Variants in PRDM16 observed in about 807,000 individuals in gnomAD.
PRDM16 encodes PR/SET domain 16, also known as histone-lysine N-methyltransferase PRDM16.
PRDM16 carries 23 observed loss-of-function variants against 110.6 expected under a neutral mutation model. The ratio of observed to expected loss-of-function variants is 0.21; its 90% CI spans 0.15 to 0.29. PRDM16 has a LOEUF of 0.29. Among genes scored for constraint, PRDM16 ranks in the 10% least tolerant of loss-of-function variants. The pLI, the probability that PRDM16 is intolerant of heterozygous loss-of-function variation, is 1.00. For synonymous variants in PRDM16, 799 were observed against 781.8 expected, an observed-to-expected ratio of 1.02 and a Z score of -0.37; for missense variants, 1,615 against 1,794.3, an observed-to-expected ratio of 0.90 and a Z score of 1.81.
rs773757408 is a variant in PRDM16, at chr1:3,435,310, A to T, written c.*1499A>T. 4 of 227,098 alleles carry T rather than the reference A, an allele frequency of 1.8e-5. No homozygotes were observed. Among genetic ancestry groups the T allele is most frequent in the Admixed American group, 1.1e-4 (2 of 17,590 alleles). The allele number at this position is 227,098 out of a possible 1,614,324, so 14.1% of individuals were successfully genotyped here. On this transcript the variant is annotated 3_prime_UTR_variant, in exon 17 of 17. Transcript: ENST00000270722. Reference sequence around the variant, plus strand: ...TTGGCATTAGACATTCTTATTGTGAAGAAATAATGTTAATATAAGTATCTG... The same window carrying T: ...TTGGCATTAGACATTCTTATTGTGATGAAATAATGTTAATATAAGTATCTG...
At chr1:3,328,691 C>T (rs1350022448) in intron 3 of PRDM16, among the ~76,000 whole-genome samples, 12 of 152,148 alleles carry the variant, frequency 7.9e-5, no homozygotes, top group Admixed American at 7.2e-4. Flanking sequence ...GAAGGAGACC[C>T]CCCAGGGCTC....
At position 3,390,836 on chromosome 1, in the gene PRDM16, T is replaced by G. The variant is rs1407334586; in HGVS notation, c.573+5550T>G. Among the ~76,000 whole-genome samples the G allele has an allele frequency of 9.2e-5, 7 of 75,734 alleles. No individual in the cohort carries two copies. Among genetic ancestry groups the G allele is most frequent in the East Asian group, 1.2e-3 (1 of 810 alleles). 49.7% of individuals were successfully genotyped at this position (75,734 alleles called of 152,430 possible). On this transcript the variant is annotated intron_variant, in intron 4 of 16. Transcript: ENST00000270722. The surrounding 1 kb of genome is among the most constrained non-coding windows in gnomAD (Gnocchi z 5.0). ...TTTGCTTTTATCTCTCACAGTGTGT[T>G]TTTTTTTTTTTTTTTTTAGACAGAG...
intron 10 of PRDM16, among the ~76,000 whole-genome samples, chr1:3,416,425 G>A (rs1002207048): frequency 6.6e-6 from 1 of 152,188 alleles, no homozygotes; most frequent in African/African-American, 2.4e-5. Flanking sequence ...CCTCTGTGGA[G>A]CTGGCTCTGA....
At chr1:3,137,839 C>A (rs1223420048) in intron 1 of PRDM16, among the ~76,000 whole-genome samples, 1 of 152,236 alleles carries the variant, frequency 6.6e-6, no homozygotes, top group African/African-American at 2.4e-5. Context: ...TCCGGAGGTC[C>A]CTGACCTCAC....
At chr1:3,287,106 C>A (rs1640862131) in intron 3 of PRDM16, among the ~76,000 whole-genome samples, 2 of 152,202 alleles carry the variant, frequency 1.3e-5, no homozygotes, top group Admixed American at 1.3e-4. Flanking sequence ...CTGGGGTCAG[C>A]AGGAGGCCTG....
At chr1:3,156,531 T>G (rs929907464) in intron 1 of PRDM16, among the ~76,000 whole-genome samples, 2 of 152,224 alleles carry the variant, frequency 1.3e-5, no homozygotes, top group Non-Finnish European at 2.9e-5. Context: ...GGAGGGGTTT[T>G]GTTTGCTGTC....
chr1:3,179,907 G>C (rs1644130954), intron 1 of PRDM16, among the ~76,000 whole-genome samples: 1 of 152,082 alleles, frequency 6.6e-6, no homozygotes, highest in Non-Finnish European at 1.5e-5. Flanking sequence ...TCCTATCACG[G>C]TGGACCTTCC....
chr1:3,140,811 C>A (rs1643535214), intron 1 of PRDM16, among the ~76,000 whole-genome samples: 1 of 152,244 alleles, frequency 6.6e-6, no homozygotes, highest in South Asian at 2.1e-4. Flanking sequence ...CCGCATCCTG[C>A]GTTCCATGGT....
intron 3 of PRDM16, among the ~76,000 whole-genome samples, chr1:3,367,905 T>TA (rs1383977017): frequency 6.6e-6 from 1 of 152,188 alleles, no homozygotes; most frequent in African/African-American, 2.4e-5. Flanking sequence ...CTTTGTACTT[T>TA]AAAAAATCAT....
rs924142551 is a variant in PRDM16 at position 3,435,597 on chromosome 1, T to A, written c.*1786T>A. The A allele has an allele frequency of 3.5e-5, 8 of 227,188 alleles. No homozygotes were observed. The highest frequency in any genetic ancestry group is 6.3e-5 in the East Asian group (1 of 15,942). The allele number at this position is 227,188 out of a possible 1,614,324, so 14.1% of individuals were successfully genotyped here. ...GAAAAAAAATGCCCAAGTTGCCCTT[T>A]AAAAAAAAAGAGCGTAAATACAAAC... is the stretch of plus-strand genomic sequence containing the variant. On this transcript the variant is annotated 3_prime_UTR_variant, in exon 17 of 17. Transcript: ENST00000270722.
At chr1:3,401,216 A>G (rs6424074) in intron 5 of PRDM16, among the ~76,000 whole-genome samples, 44,265 of 152,068 alleles carry the variant, frequency 0.29, 6,888 homozygotes, top group Non-Finnish European at 0.34. Context: ...AGCAGCCCAC[A>G]CTTTCCTTAG....
At position 3,080,658 on chromosome 1, in the gene PRDM16, T is replaced by G. The variant is rs1259116574; in HGVS notation, c.37+11362T>G. On this transcript the variant is annotated intron_variant, in intron 1 of 16. Coordinates refer to ENST00000270722, the MANE Select transcript of PRDM16 (RefSeq NM_022114.4). The surrounding 1 kb of genome is among the most constrained non-coding windows in gnomAD (Gnocchi z 5.2). The stretch of plus-strand genomic sequence containing the variant: ...AAACGGGAGGCCCGGGCCCCTAAGC[T>G]TGCAGCCTGAGAAAAAGCAAACTTG... Among the ~76,000 whole-genome samples the G allele has an allele frequency of 6.6e-6, 1 of 152,124 alleles. No individual in the cohort carries two copies.
intron 2 of PRDM16, among the ~76,000 whole-genome samples, chr1:3,242,791 A>G (rs914827374): frequency 1.3e-5 from 2 of 152,250 alleles, no homozygotes; most frequent in Non-Finnish European, 1.5e-5. Flanking sequence ...GGGAGGGGAA[A>G]GAAAATCTTT....
rs1003928207 is a variant in PRDM16, at chr1:3,396,463, C to T, written c.574-28C>T. 9 of 1,283,894 alleles carry T rather than the reference C, an allele frequency of 7.0e-6. 1 individual carries two copies. Among genetic ancestry groups the T allele is most frequent in the Admixed American group, 1.9e-5 (1 of 52,068 alleles). 79.5% of individuals were successfully genotyped at this position (1,283,894 alleles called of 1,614,324 possible). A position where few individuals can be genotyped will look rare whatever the true frequency, so the allele number is the denominator to read the frequency against. On this transcript the variant is annotated intron_variant, in intron 4 of 16. Coordinates refer to ENST00000270722, the MANE Select transcript of PRDM16 (RefSeq NM_022114.4). ...TCCAGACACCAACAAACCACACTCA[C>T]CCTTTCTCTCTGGTCTCTCCATCCT... is the stretch of plus-strand genomic sequence containing the variant.
chr1:3,118,210 C>T lies in PRDM16; in HGVS notation c.37+48914C>T, dbSNP rs150837112. ...GTGCATGCATGTACACACGCACACA[C>T]GCACACACACACGTGCACACACGTG... is the stretch of plus-strand genomic sequence containing the variant. On this transcript the variant is annotated intron_variant, in intron 1 of 16. Coordinates refer to ENST00000270722, the MANE Select transcript of PRDM16 (RefSeq NM_022114.4). 9.4e-4 allele frequency among the ~76,000 whole-genome samples: 143 copies of T among 152,190 alleles called. 2 individuals carry two copies. The highest frequency in any genetic ancestry group is 3.1e-3 in the East Asian group (16 of 5,152).
At position 3,382,725 on chromosome 1, in the gene PRDM16, G is replaced by T. The variant is rs774464164; in HGVS notation, c.439-2427G>T. 2.0e-5 allele frequency among the ~76,000 whole-genome samples: 3 copies of T among 152,144 alleles called. No homozygotes were observed. The highest frequency in any genetic ancestry group is 2.9e-5 in the Non-Finnish European group (2 of 68,018). The stretch of plus-strand genomic sequence containing the variant: ...GCACGTACTCCTGGCTGCACCAATG[G>T]GGTGCTGTGACCCAGGTGCTCCAGC... On this transcript the variant is annotated intron_variant, in intron 3 of 16. Transcript: ENST00000270722. The surrounding 1 kb of genome is among the most constrained non-coding windows in gnomAD (Gnocchi z 6.6).
At chr1:3,249,329 G>T (rs919889984) in intron 3 of PRDM16, among the ~76,000 whole-genome samples, 2 of 152,124 alleles carry the variant, frequency 1.3e-5, no homozygotes, top group African/African-American at 4.8e-5. Flanking sequence ...GGGCTCAGCT[G>T]GTGGGTATGG....
rs532623381 is a variant in PRDM16, at chr1:3,412,425, G to A, written c.2228G>A (p.Arg743Gln). The A allele has an allele frequency of 6.2e-6, 10 of 1,611,802 alleles. No individual in the cohort carries two copies. Among genetic ancestry groups the A allele is most frequent in the Middle Eastern group, 1.6e-4 (1 of 6,080 alleles). Residue 743 changes from arginine (R) to glutamine (Q), a missense_variant, in exon 9 of 17, where the codon CGA becomes CAA. Arg to Gln is a conservative substitution (Grantham distance 43). Coordinates refer to ENST00000270722, the MANE Select transcript of PRDM16 (RefSeq NM_022114.4). ...FPHSLYPFTD[R>Q]ALAHNLLVKA... Reference sequence around the variant, plus strand: ...CACTCCCTTTACCCCTTCACGGACCGAGCCCTCGCCCACAACTTGCTGGTC... The same window carrying A: ...CACTCCCTTTACCCCTTCACGGACCAAGCCCTCGCCCACAACTTGCTGGTC...
intron 5 of PRDM16, among the ~76,000 whole-genome samples, chr1:3,400,997 G>T (rs1460735354): frequency 6.6e-6 from 1 of 152,166 alleles, no homozygotes; most frequent in African/African-American, 2.4e-5. Flanking sequence ...GTGCCATCCA[G>T]TATGCCTGCT....
Sources: allele counts gnomAD v4.1 joint callset (sites outside exome capture counted in the v4.1 genomes callset), GRCh38; gene constraint gnomAD v4.1.1; non-coding constraint Gnocchi (gnomAD v3.1); transcripts MANE v1.5; gene names NCBI Gene and HGNC (gene_info 2026-07-23, HGNC 2026-07-21).